Variants in TRIQK observed in about 807,000 individuals in gnomAD.
TRIQK encodes the protein triple QxxK/R motif-containing protein.
In TRIQK, 10 loss-of-function variants were observed where a neutral mutation model predicts 10.8. That is an observed-to-expected ratio of 0.92 (90% CI 0.57 to 1.57). The LOEUF (loss-of-function observed/expected upper bound fraction) is 1.57, where lower values mean the gene tolerates loss of function less well. Ranked by LOEUF, TRIQK falls within the 40% of genes most tolerant of loss-of-function variation. The pLI is 0.00. For missense variants in TRIQK, 107 were observed against 97.7 expected (o/e 1.09, Z -0.40); for synonymous variants, 33 against 33.7 (o/e 0.98, Z 0.07).
At chr8:92,909,606 A>G (rs1001806977) in intron 3 of TRIQK, among the ~76,000 whole-genome samples, 2 of 151,770 alleles carry the variant, frequency 1.3e-5, no homozygotes, top group Non-Finnish European at 3.0e-5. Flanking sequence ...ACACATCATC[A>G]TTTAACACCA....
At chr8:92,966,762 A>T (rs1812765856), upstream of TRIQK, among the ~76,000 whole-genome samples, 1 of 152,184 alleles carries the variant, frequency 6.6e-6, no homozygotes, top group South Asian at 2.1e-4. Context: ...GGACAATGAA[A>T]CACAGGCTAG....
chr8:92,927,966 C>T (rs1810526413), intron 2 of TRIQK: 1 of 152,098 alleles, frequency 6.6e-6, no homozygotes, highest in Admixed American at 6.5e-5. Context: ...AGAATAGTTT[C>T]CATTTAAGAT....
intron 1 of TRIQK, among the ~76,000 whole-genome samples, chr8:93,007,794 C>A (rs1458103339): frequency 6.6e-6 from 1 of 152,194 alleles, no homozygotes; most frequent in Non-Finnish European, 1.5e-5. Context: ...TGAAGGCTAT[C>A]TTGCTAAAAT....
intron 1 of TRIQK, among the ~76,000 whole-genome samples, chr8:92,988,192 A>G (rs1482501373): frequency 6.7e-6 from 1 of 149,226 alleles, no homozygotes; most frequent in Non-Finnish European, 1.5e-5. Context: ...TTTTTTTTGT[A>G]TTTTTAGTAG....
chr8:93,004,358 C>A (rs980540966), intron 1 of TRIQK, among the ~76,000 whole-genome samples: 1 of 152,214 alleles, frequency 6.6e-6, no homozygotes, highest in African/African-American at 2.4e-5. Flanking sequence ...TTAGCCACAG[C>A]TGGATCTGGA....
chr8:92,954,213 G>A (rs954218095), intron 2 of TRIQK, 193 bp downstream of exon 2: 25 of 151,702 alleles, frequency 1.6e-4, no homozygotes, highest in African/African-American at 5.8e-4. Flanking sequence ...ATTTGGATTT[G>A]CTGAAATATC....
intron 1 of TRIQK, among the ~76,000 whole-genome samples, chr8:92,989,132 T>C (rs1813068178): frequency 6.6e-6 from 1 of 152,188 alleles, no homozygotes; most frequent in Non-Finnish European, 1.5e-5. Context: ...GAGGGGTTAA[T>C]CTATAAATAT....
At chr8:92,952,203 TA>T (rs1347811630) in intron 2 of TRIQK, among the ~76,000 whole-genome samples, 3 of 151,744 alleles carry the variant, frequency 2.0e-5, no homozygotes, top group Non-Finnish European at 4.4e-5. Context: ...CTCTAATGGA[TA>T]AAGTAGACAC....
At chr8:92,904,440 G>A (rs979315341) in intron 3 of TRIQK, among the ~76,000 whole-genome samples, 1 of 152,104 alleles carries the variant, frequency 6.6e-6, no homozygotes, top group African/African-American at 2.4e-5. Context: ...TCACTGGCCT[G>A]TTTATTTCCT....
chr8:92,964,464 C>CTA (rs71563502), intron 1 of TRIQK, among the ~76,000 whole-genome samples: 58,993 of 142,098 alleles, frequency 0.42, 12,493 homozygotes, highest in South Asian at 0.52. Context: ...ATATATATAT[C>CTA]TATATATATA....
At chr8:93,012,440 C>T (rs887264085) in intron 1 of TRIQK, among the ~76,000 whole-genome samples, 2 of 152,018 alleles carry the variant, frequency 1.3e-5, no homozygotes, top group Non-Finnish European at 2.9e-5. Flanking sequence ...GTAGATCCAG[C>T]GTTTTCAGAA....
intron 1 of TRIQK, among the ~76,000 whole-genome samples, chr8:92,996,431 A>T (rs554588520): frequency 6.6e-6 from 1 of 152,148 alleles, no homozygotes; most frequent in East Asian, 1.9e-4. Flanking sequence ...TGTAAGCAAA[A>T]TTGTGTGTAA....
At chr8:92,917,936 A>G (rs1181500754) in intron 2 of TRIQK, among the ~76,000 whole-genome samples, 2 of 151,876 alleles carry the variant, frequency 1.3e-5, no homozygotes, top group Non-Finnish European at 2.9e-5. Context: ...CCTCCATGAG[A>G]TCCACTTTTT....
At chr8:92,952,462 T>C (rs1026797187) in intron 2 of TRIQK, among the ~76,000 whole-genome samples, 4 of 151,002 alleles carry the variant, frequency 2.6e-5, no homozygotes, top group Non-Finnish European at 5.9e-5. Flanking sequence ...TACCCAAAGA[T>C]TGTGGTACAA....
intron 2 of TRIQK, among the ~76,000 whole-genome samples, chr8:92,940,682 G>C (rs1292578399): frequency 6.6e-6 from 1 of 152,096 alleles, no homozygotes; most frequent in Non-Finnish European, 1.5e-5. Context: ...TAATAGCACA[G>C]GACTTCAACA....
chr8:92,947,558 C>T (rs372050339), intron 2 of TRIQK, among the ~76,000 whole-genome samples: 2 of 133,906 alleles, frequency 1.5e-5, no homozygotes, highest in Non-Finnish European at 3.1e-5. Flanking sequence ...CATTCTAGCC[C>T]GGGCAATAAG....
At chr8:93,009,412 C>T (rs182353637) in intron 1 of TRIQK, among the ~76,000 whole-genome samples, 182 of 152,204 alleles carry the variant, frequency 1.2e-3, no homozygotes, top group Middle Eastern at 3.4e-3. Context: ...GAGTTTGAGA[C>T]CAGCCTGGCC....
rs563500994 is a variant in TRIQK at position 92,884,802 on chromosome 8, G to A, written c.*1820C>T. ...CGACTGTTTTAACACCATATGGAAC[G>A]GGAAATAACTAAATGAAAATTGTTC... is the stretch of plus-strand genomic sequence containing the variant. On this transcript the variant is annotated 3_prime_UTR_variant, in exon 5 of 5. Coordinates refer to ENST00000521988, the MANE Select transcript of TRIQK (RefSeq NM_001171797.2). 8.8e-6 allele frequency: 4 copies of A among 454,518 alleles called. No individual in the cohort carries two copies. Among genetic ancestry groups the A allele is most frequent in the African/African-American group, 2.0e-5 (1 of 49,876 alleles). 28.2% of individuals were successfully genotyped at this position (454,518 alleles called of 1,614,324 possible). A position where few individuals can be genotyped will look rare whatever the true frequency, so the allele number is the denominator to read the frequency against.
At chr8:93,006,034 CAAAAAA>C (rs58693078) in intron 1 of TRIQK, among the ~76,000 whole-genome samples, 1 of 130,922 alleles carries the variant, frequency 7.6e-6, no homozygotes, top group Non-Finnish European at 1.7e-5. Context: ...AAAAAATAAG[CAAAAAA>C]AAAAAAAAAT....
Sources: allele counts gnomAD v4.1 joint callset (sites outside exome capture counted in the v4.1 genomes callset), GRCh38; gene constraint gnomAD v4.1.1; transcripts MANE v1.5; gene names NCBI Gene and HGNC (gene_info 2026-07-23, HGNC 2026-07-21).